AGBL1: variants seen among roughly 807,000 people sequenced by gnomAD.
AGBL1 encodes AGBL carboxypeptidase 1.
AGBL1 carries 130 observed loss-of-function variants against 118.9 expected under a neutral mutation model. That is an observed-to-expected ratio of 1.09 (90% confidence interval 0.95 to 1.26). The LOEUF (loss-of-function observed/expected upper bound fraction) is 1.26. Ranked by LOEUF, AGBL1 falls within the 50% of genes most tolerant of loss-of-function variation. The pLI is 0.00. For missense variants in AGBL1, 1,584 were observed against 1,298.1 expected (o/e 1.22, Z -3.38); for synonymous variants, 555 against 478.9 (o/e 1.16, Z -2.08).
At chr15:86,442,572 A>G (rs905516898) in intron 18 of AGBL1, among the ~76,000 whole-genome samples, 30 of 152,226 alleles carry the variant, frequency 2.0e-4, no homozygotes, top group African/African-American at 7.2e-4. Flanking sequence ...CATTGTTGGT[A>G]AGCCGCTTTC....
intron 22 of AGBL1, among the ~76,000 whole-genome samples, chr15:86,893,099 C>CT (rs1292745174): frequency 6.6e-6 from 1 of 152,128 alleles, no homozygotes; most frequent in Non-Finnish European, 1.5e-5. Flanking sequence ...CAGAGTTGCT[C>CT]TTTTCTCGCC....
intron 17 of AGBL1, among the ~76,000 whole-genome samples, chr15:86,336,129 C>A (rs1220167894): frequency 6.6e-6 from 1 of 152,220 alleles, no homozygotes; most frequent in African/African-American, 2.4e-5. Context: ...CAGCCTCCAC[C>A]TGTGATAGAG....
Position 86,671,609 on chromosome 15 carries a change from C to T in AGBL1, c.2995-2664C>T, listed in dbSNP as rs561933047. On this transcript the variant is annotated intron_variant, in intron 21 of 22. Transcript: ENST00000614907. ...ATTTCTAAATTTTATTTACCTGTTTCCCAGTTTATATCCAGAGATATGAAT... is the reference window on the plus strand; with the variant it reads ...ATTTCTAAATTTTATTTACCTGTTTTCCAGTTTATATCCAGAGATATGAAT... Among the ~76,000 whole-genome samples, 10 of 152,216 alleles carry T rather than the reference C, an allele frequency of 6.6e-5. 1 individual carries two copies. In the South Asian group the frequency reaches 2.1e-3, roughly 32 times the overall value.
At chr15:86,119,655 T>TTG (rs59997626) in intron 1 of AGBL1, among the ~76,000 whole-genome samples, 6,691 of 148,602 alleles carry the variant, frequency 0.045, 280 homozygotes, top group African/African-American at 0.12. Context: ...GAAAAGTAGT[T>TTG]TGTGTGTGTG....
rs190742394 is a variant in AGBL1, at chr15:86,377,660, C to T, written c.2375-19706C>T. ...ATCTCAGAGTAAGTGGTTCCTAGTACATTAATCTAAGGCAGCTTTAAGTTA... is the reference window on the plus strand; with the variant it reads ...ATCTCAGAGTAAGTGGTTCCTAGTATATTAATCTAAGGCAGCTTTAAGTTA... On this transcript the variant is annotated intron_variant, in intron 17 of 22. Transcript: ENST00000614907. Among the ~76,000 whole-genome samples, 10 of 152,228 alleles carry T rather than the reference C, an allele frequency of 6.6e-5. No individual in the cohort carries two copies. In the East Asian group the frequency reaches 1.7e-3, roughly 26 times the overall value.
intron 17 of AGBL1, among the ~76,000 whole-genome samples, chr15:86,391,017 TAA>T (rs985288925): frequency 1.7e-4 from 21 of 120,924 alleles, no homozygotes; most frequent in Admixed American, 2.6e-4. Flanking sequence ...ACTATGGTGA[TAA>T]AAAAAAAAAA....
chr15:86,190,065 A>T (rs917944755), intron 5 of AGBL1, among the ~76,000 whole-genome samples: 1 of 152,238 alleles, frequency 6.6e-6, no homozygotes, highest in African/African-American at 2.4e-5. Flanking sequence ...TAATTTTCCT[A>T]TGTCTCAAAG....
intron 5 of AGBL1, among the ~76,000 whole-genome samples, chr15:86,199,291 A>T (rs553290613): frequency 6.6e-6 from 1 of 152,318 alleles, no homozygotes; most frequent in South Asian, 2.1e-4. Flanking sequence ...TTCCACACTT[A>T]TCTGAACATG....
At chr15:86,219,473 A>C (rs1362788233) in intron 5 of AGBL1, among the ~76,000 whole-genome samples, 1 of 152,206 alleles carries the variant, frequency 6.6e-6, no homozygotes, top group Non-Finnish European at 1.5e-5. Flanking sequence ...ATAAATGAGA[A>C]AGGCTATGAG....
At chr15:86,674,876 C>G (rs1254488670) in intron 22 of AGBL1, among the ~76,000 whole-genome samples, 3 of 152,072 alleles carry the variant, frequency 2.0e-5, no homozygotes, top group African/African-American at 7.2e-5. Flanking sequence ...ATCATTGTTC[C>G]TTCTTGGAAG....
intron 22 of AGBL1, among the ~76,000 whole-genome samples, chr15:86,748,435 A>T (rs146983160): frequency 1.3e-3 from 185 of 142,424 alleles, no homozygotes; most frequent in African/African-American, 4.1e-3. Flanking sequence ...GTAGGTTGCC[A>T]GTTCACTCTG....
chr15:86,261,028 A>G (rs1341287149), intron 9 of AGBL1, among the ~76,000 whole-genome samples: 2 of 152,246 alleles, frequency 1.3e-5, no homozygotes, highest in African/African-American at 4.8e-5. Flanking sequence ...TTGCACTGAG[A>G]AAACAACCAT....
rs139988838 is a variant in AGBL1 at position 86,846,214 on chromosome 15, T to C, written c.3159-60873T>C. ...TGACATCTCAGCTAGAAAAGCACTC[T>C]CTCAAGCTTTGATTGTCTGGCAATG... On this transcript the variant is annotated intron_variant, in intron 22 of 22. Transcript: ENST00000614907. 5.1e-3 allele frequency among the ~76,000 whole-genome samples: 775 copies of C among 152,324 alleles called. 14 individuals are homozygous for C. The highest frequency in any genetic ancestry group is 0.017 in the African/African-American group (723 of 41,576).
chr15:86,688,187 TGAG>T (rs1241272257), intron 22 of AGBL1, among the ~76,000 whole-genome samples: 2 of 151,854 alleles, frequency 1.3e-5, no homozygotes, highest in Non-Finnish European at 1.5e-5. Flanking sequence ...GATTGATGCT[TGAG>T]GAGGGAGGTC....
intron 17 of AGBL1, among the ~76,000 whole-genome samples, chr15:86,303,169 G>C (rs1236310260): frequency 1.3e-5 from 2 of 152,140 alleles, no homozygotes; most frequent in Non-Finnish European, 2.9e-5. Flanking sequence ...TAAACACTTT[G>C]TGTCATGGTT....
rs556084549 is a variant in AGBL1 at position 86,254,604 on chromosome 15, G to T, written c.736-2249G>T. ...AAGTAGCAGATGTGTTATTGAGAGT[G>T]ATGGGAAAAGGGAGCCTAAAATCTC... On this transcript the variant is annotated intron_variant, in intron 7 of 22. Transcript: ENST00000614907. Among the ~76,000 whole-genome samples, 229 of 152,316 alleles carry T rather than the reference G, an allele frequency of 1.5e-3. 5 individuals carry two copies. In the South Asian group the frequency reaches 0.046, roughly 30 times the overall value.
intron 5 of AGBL1, among the ~76,000 whole-genome samples, chr15:86,214,105 T>C (rs1045822962): frequency 2.6e-5 from 4 of 152,220 alleles, no homozygotes; most frequent in Non-Finnish European, 5.9e-5. Context: ...CATATGGCCA[T>C]GTTACATCTC....
At chr15:86,559,878 A>G (rs2083789537) in intron 21 of AGBL1, among the ~76,000 whole-genome samples, 1 of 152,162 alleles carries the variant, frequency 6.6e-6, no homozygotes, top group African/African-American at 2.4e-5. Flanking sequence ...GGGCTTTGGA[A>G]GCAGGAGACC....
intron 22 of AGBL1, among the ~76,000 whole-genome samples, chr15:86,687,531 A>G (rs1047640566): frequency 6.6e-6 from 1 of 152,172 alleles, no homozygotes; most frequent in Non-Finnish European, 1.5e-5. Context: ...AAAGGATAGG[A>G]TGATTATATG....
Sources: allele counts gnomAD v4.1 joint callset (sites outside exome capture counted in the v4.1 genomes callset), GRCh38; gene constraint gnomAD v4.1.1; transcripts MANE v1.5; gene names NCBI Gene and HGNC (gene_info 2026-07-23, HGNC 2026-07-21).